CLIP1: variants seen among roughly 807,000 people sequenced by gnomAD.
CLIP1 encodes CAP-Gly domain-containing linker protein 1.
In CLIP1, 66 loss-of-function variants were observed where a neutral mutation model predicts 161.6. That is an observed-to-expected ratio of 0.41 (90% confidence interval 0.33 to 0.50). The LOEUF is 0.50. CLIP1 is among the 20% of genes least tolerant of loss of function. The pLI, the probability that CLIP1 is intolerant of heterozygous loss-of-function variation, is 0.27. For missense variants in CLIP1, 1,376 were observed against 1,702.0 expected, an observed-to-expected ratio of 0.81 and a Z score of 3.37; for synonymous variants, 598 against 626.2, an observed-to-expected ratio of 0.96 and a Z score of 0.67.
intron 9 of CLIP1, among the ~76,000 whole-genome samples, chr12:122,348,893 C>T (rs1422514146): frequency 1.3e-5 from 2 of 152,184 alleles, no homozygotes; most frequent in Admixed American, 1.3e-4. Context: ...CGTCTTCACT[C>T]ATTCCAGTGG....
intron 10 of CLIP1, among the ~76,000 whole-genome samples, chr12:122,344,922 G>A (rs1952673676): frequency 6.6e-6 from 1 of 152,090 alleles, no homozygotes; most frequent in Admixed American, 6.6e-5. Context: ...ACTTCGTTAT[G>A]GAAAGATATA....
At chr12:122,335,006 T>G (rs1035676203) in intron 12 of CLIP1, among the ~76,000 whole-genome samples, 1 of 152,196 alleles carries the variant, frequency 6.6e-6, no homozygotes, top group African/African-American at 2.4e-5. Context: ...CGTGTATACA[T>G]AGGGTGCACG....
chr12:122,403,366 A>G (rs1164371658), intron 1 of CLIP1, among the ~76,000 whole-genome samples: 2 of 152,140 alleles, frequency 1.3e-5, no homozygotes, highest in Non-Finnish European at 2.9e-5. Context: ...ACCCACATGA[A>G]ACTCAAAGCA....
intron 15 of CLIP1, among the ~76,000 whole-genome samples, chr12:122,330,761 A>C (rs1951919327): frequency 7.0e-6 from 1 of 143,690 alleles, no homozygotes; most frequent in South Asian, 2.3e-4. Flanking sequence ...CACCACGCTC[A>C]GCTCATTTTT....
intron 11 of CLIP1, among the ~76,000 whole-genome samples, chr12:122,338,529 C>A (rs1368819831): frequency 6.6e-6 from 1 of 151,946 alleles, no homozygotes; most frequent in African/African-American, 2.4e-5. Context: ...CCACCCTGGC[C>A]AACATGGTGA....
rs1017802633 is a variant in CLIP1 at position 122,272,523 on chromosome 12, T to A, written c.*352A>T. 2 of 186,302 alleles carry A rather than the reference T, an allele frequency of 1.1e-5. No individual in the cohort carries two copies. Among genetic ancestry groups the A allele is most frequent in the Non-Finnish European group, 2.2e-5 (2 of 89,114 alleles). The allele number at this position is 186,302 out of a possible 1,614,324, so 11.5% of individuals were successfully genotyped here. ...GCCTGGAAATATCTTAGTGCAAATATGAAAAGTAACGGCATAATTTAAAGT... is the reference window on the plus strand; with the variant it reads ...GCCTGGAAATATCTTAGTGCAAATAAGAAAAGTAACGGCATAATTTAAAGT... On this transcript the variant is annotated 3_prime_UTR_variant, in exon 26 of 26. Coordinates refer to ENST00000620786, the MANE Select transcript of CLIP1 (RefSeq NM_001247997.2).
At chr12:122,288,803 C>T (rs1032214489) in intron 20 of CLIP1, among the ~76,000 whole-genome samples, 5 of 146,880 alleles carry the variant, frequency 3.4e-5, no homozygotes, top group African/African-American at 1.2e-4. Context: ...CACAACGAAG[C>T]ACATCTTTTT....
intron 3 of CLIP1, among the ~76,000 whole-genome samples, chr12:122,369,210 A>C (rs1193932409): frequency 6.6e-6 from 1 of 151,948 alleles, no homozygotes; most frequent in Non-Finnish European, 1.5e-5. Context: ...TAGTAGAGAC[A>C]GGGTTTCACC....
In CLIP1 at chr12:122,288,521, C is replaced by A. The variant is rs1955952735; in HGVS notation, c.3615G>T (p.Val1205=). 1.2e-6 allele frequency: 2 copies of A among 1,607,530 alleles called. No individual in the cohort carries two copies. Among genetic ancestry groups the A allele is most frequent in the South Asian group, 1.1e-5 (1 of 90,986 alleles). Residue 1205 remains valine (V), a synonymous_variant, in exon 21 of 26, where the codon GTG becomes GTT. Coordinates refer to ENST00000620786, the MANE Select transcript of CLIP1 (RefSeq NM_001247997.2). The part of the protein sequence containing the change: ...SHQKLEEERS[V]LNNQLLEMKK... ...TCATTTCTAACAACTGATTATTGAG[C>A]ACAGATCTTTCTTCTTCCAGCTAGG...
At chr12:122,348,298 A>G (rs1285586506) in intron 9 of CLIP1, among the ~76,000 whole-genome samples, 1 of 152,264 alleles carries the variant, frequency 6.6e-6, no homozygotes. Flanking sequence ...TATCCTCTAT[A>G]GTCTCCATCT....
In CLIP1 at chr12:122,336,517, T is replaced by C. The variant is rs1353483197; in HGVS notation, c.2568+115A>G. 10 of 656,924 alleles carry C rather than the reference T, an allele frequency of 1.5e-5. No homozygotes were observed. In the East Asian group the frequency reaches 2.6e-4, roughly 17 times the overall value. 40.7% of individuals were successfully genotyped at this position (656,924 alleles called of 1,614,324 possible). On this transcript the variant is annotated intron_variant, in intron 12 of 25. Coordinates refer to ENST00000620786, the MANE Select transcript of CLIP1 (RefSeq NM_001247997.2). ...TCAGCCAATAACTAATACACTCAAG[T>C]TGAATCAACACTTAGAAAGAGAAAG...
At chr12:122,374,945 C>A (rs550958567) in intron 3 of CLIP1, among the ~76,000 whole-genome samples, 16 of 152,254 alleles carry the variant, frequency 1.1e-4, no homozygotes, top group Non-Finnish European at 2.1e-4. Context: ...CAGTCCAAGG[C>A]ATGGAGACAA....
intron 1 of CLIP1, among the ~76,000 whole-genome samples, chr12:122,381,479 G>C (rs964391704): frequency 6.6e-6 from 1 of 152,156 alleles, no homozygotes; most frequent in African/African-American, 2.4e-5. Context: ...AGGTAAAATA[G>C]TATCCTGTCA....
At chr12:122,413,698 G>A (rs1214030605) in intron 1 of CLIP1, among the ~76,000 whole-genome samples, 3 of 152,126 alleles carry the variant, frequency 2.0e-5, no homozygotes, top group Non-Finnish European at 4.4e-5. Context: ...ACACCAAGGA[G>A]GGTTCCCAAT....
rs1954786907 is a variant in CLIP1 at position 122,377,301 on chromosome 12, C to T, written c.657+88G>A. ...GGGATTATAGGTGTGAGCCACCGCG[C>T]CCAGCCCTGATGTGTGTGTATTTCA... On this transcript the variant is annotated intron_variant, in intron 3 of 25. Coordinates refer to ENST00000620786, the MANE Select transcript of CLIP1 (RefSeq NM_001247997.2). The T allele has an allele frequency of 4.7e-6, 6 of 1,272,930 alleles. No individual in the cohort carries two copies. The South Asian group carries it at 5.6e-5, about 12-fold the overall frequency. The allele number at this position is 1,272,930 out of a possible 1,614,324, so 78.9% of individuals were successfully genotyped here. A position where few individuals can be genotyped will look rare whatever the true frequency, so the allele number is the denominator to read the frequency against.
chr12:122,377,344 A>G (rs921909689), intron 3 of CLIP1, 45 bp downstream of exon 3: 9 of 1,530,256 alleles, frequency 5.9e-6, no homozygotes, highest in Non-Finnish European at 6.3e-6. Flanking sequence ...ACTGGTGTTT[A>G]TATCTCAGTT....
intron 4 of CLIP1, among the ~76,000 whole-genome samples, chr12:122,363,550 C>T (rs1356809495): frequency 2.0e-5 from 3 of 151,826 alleles, no homozygotes; most frequent in East Asian, 1.9e-4. Context: ...GTCCGCTTGG[C>T]GGTCTGTTCT....
At chr12:122,422,954 A>C (rs910163615), upstream of CLIP1, among the ~76,000 whole-genome samples, 1 of 152,122 alleles carries the variant, frequency 6.6e-6, no homozygotes, top group Non-Finnish European at 1.5e-5. Flanking sequence ...ATTTCTGCAA[A>C]GTGTTCCCAG....
Position 122,309,819 on chromosome 12 carries a change from G to A in CLIP1, c.3537C>T (p.Asn1179=), listed in dbSNP as rs1479162461. 5.0e-6 allele frequency: 8 copies of A among 1,613,696 alleles called. No homozygotes were observed. The highest frequency in any genetic ancestry group is 3.3e-5 in the South Asian group (3 of 91,050). The stretch of plus-strand genomic sequence containing the variant: ...TCCCCAGCTCCTCAGCAAGTTTAAC[G>A]TTCTCTTCTTGCAACGCTGAAAGCT... The part of the protein sequence containing the change: ...SQQLSALQEE[N]VKLAEELGRS... The change falls in exon 20 of 26, where the codon AAC becomes AAT. Residue 1179 remains asparagine (N), a synonymous_variant. Transcript: ENST00000620786.
Sources: allele counts gnomAD v4.1 joint callset (sites outside exome capture counted in the v4.1 genomes callset), GRCh38; gene constraint gnomAD v4.1.1; transcripts MANE v1.5; gene names NCBI Gene and HGNC (gene_info 2026-07-23, HGNC 2026-07-21).